IQCM: variants seen among roughly 807,000 people sequenced by gnomAD.
IQCM encodes the protein IQ motif containing M, also known as IQ domain-containing protein M.
In IQCM, 45 loss-of-function variants were observed where a neutral mutation model predicts 57.6. The observed-to-expected ratio is 0.78, with a 90% CI of 0.62 to 1.00. IQCM has a LOEUF of 1.00. Among genes scored for constraint, IQCM ranks in the 50% least tolerant of loss-of-function variants. IQCM has a pLI of 0.00. For missense variants in IQCM, 468 were observed against 511.6 expected, an observed-to-expected ratio of 0.91 and a Z score of 0.82; for synonymous variants, 148 against 158.9, an observed-to-expected ratio of 0.93 and a Z score of 0.51.
intron 7 of IQCM, among the ~76,000 whole-genome samples, chr4:149,660,425 G>A (rs928321107): frequency 2.7e-3 from 404 of 151,688 alleles, no homozygotes; most frequent in Non-Finnish European, 4.4e-3. Context: ...TCAGTGTGGC[G>A]ATTCCTCAGG....
rs541977001 is a variant in IQCM, at chr4:149,589,597, A to C, written c.682-1600T>G. On this transcript the variant is annotated intron_variant, in intron 8 of 13. Coordinates refer to ENST00000636793, the MANE Select transcript of IQCM (RefSeq NM_001363507.2). ...CCATCTCAGATGCAATCTTACTAGT[A>C]AGTGTTAATTTCATTTCATGGCATT... 5.9e-5 allele frequency among the ~76,000 whole-genome samples: 9 copies of C among 152,094 alleles called. No homozygotes were observed. The South Asian group carries it at 1.9e-3, about 32-fold the overall frequency.
chr4:149,493,249 C>T (rs1157060425), intron 12 of IQCM, among the ~76,000 whole-genome samples: 3 of 151,320 alleles, frequency 2.0e-5, no homozygotes, highest in Non-Finnish European at 4.4e-5. Context: ...TCTTTTTTTT[C>T]CCTCATTGAG....
At chr4:149,365,179 C>T (rs1729747917) in intron 13 of IQCM, among the ~76,000 whole-genome samples, 1 of 152,024 alleles carries the variant, frequency 6.6e-6, no homozygotes, top group South Asian at 2.1e-4. Flanking sequence ...AGCAGCAATA[C>T]AAGACGTGCC....
intron 13 of IQCM, among the ~76,000 whole-genome samples, chr4:149,391,181 T>C (rs1430822723): frequency 2.0e-5 from 3 of 151,948 alleles, no homozygotes; most frequent in African/African-American, 7.2e-5. Context: ...TCTACTTGTT[T>C]AGGGCTATTC....
intron 12 of IQCM, among the ~76,000 whole-genome samples, chr4:149,478,656 C>A (rs919124764): frequency 6.6e-6 from 1 of 152,012 alleles, no homozygotes; most frequent in African/African-American, 2.4e-5. Flanking sequence ...GAAGACAAGA[C>A]GCAGGAAATA....
At chr4:149,803,829 T>TTTGAG (rs2150053784) in intron 2 of IQCM, among the ~76,000 whole-genome samples, 1 of 152,072 alleles carries the variant, frequency 6.6e-6, no homozygotes, top group African/African-American at 2.4e-5. Flanking sequence ...AGATGTGCAG[T>TTTGAG]TCTTTGAGTT....
intron 13 of IQCM, among the ~76,000 whole-genome samples, chr4:149,397,779 A>G (rs530052360): frequency 6.6e-6 from 1 of 150,902 alleles, no homozygotes; most frequent in African/African-American, 2.4e-5. Context: ...TCTTTTTCTT[A>G]TTTTGCTATT....
chr4:149,489,820 T>A (rs1440933859), intron 12 of IQCM, among the ~76,000 whole-genome samples: 1 of 151,780 alleles, frequency 6.6e-6, no homozygotes, highest in Non-Finnish European at 1.5e-5. Context: ...TCTATAAACA[T>A]ATATTAGAAT....
At chr4:149,807,818 G>T (rs947710259) in intron 2 of IQCM, among the ~76,000 whole-genome samples, 1 of 151,888 alleles carries the variant, frequency 6.6e-6, no homozygotes, top group African/African-American at 2.4e-5. Context: ...TGGCCAACAG[G>T]TATATGAAAA....
chr4:149,352,682 C>T (rs532368834), intron 13 of IQCM, among the ~76,000 whole-genome samples: 32 of 152,274 alleles, frequency 2.1e-4, no homozygotes, highest in African/African-American at 6.7e-4. Flanking sequence ...AGATGCAACA[C>T]GTTTGCTTTT....
chr4:149,365,214 G>A (rs1729750081), intron 13 of IQCM, among the ~76,000 whole-genome samples: 1 of 152,022 alleles, frequency 6.6e-6, no homozygotes, highest in Non-Finnish European at 1.5e-5. Context: ...GTGACAGCAA[G>A]TAAGGAAATG....
chr4:149,484,894 C>A (rs1741304197), intron 12 of IQCM, among the ~76,000 whole-genome samples: 1 of 151,980 alleles, frequency 6.6e-6, no homozygotes, highest in African/African-American at 2.4e-5. Context: ...TGATGAAATC[C>A]CTCAGCTTTT....
At chr4:149,773,460 T>C (rs1049482298) in intron 2 of IQCM, among the ~76,000 whole-genome samples, 10 of 152,164 alleles carry the variant, frequency 6.6e-5, no homozygotes, top group Non-Finnish European at 1.0e-4. Context: ...TTAAATACAC[T>C]CTTCTTAATC....
chr4:149,421,638 C>A (rs904604552), intron 13 of IQCM, among the ~76,000 whole-genome samples: 2 of 151,454 alleles, frequency 1.3e-5, no homozygotes, highest in African/African-American at 4.8e-5. Context: ...TTTTTGTATT[C>A]ATCATTCACT....
intron 13 of IQCM, among the ~76,000 whole-genome samples, chr4:149,368,994 A>G (rs1233959541): frequency 8.3e-5 from 6 of 72,724 alleles, no homozygotes; most frequent in African/African-American, 2.2e-4. Flanking sequence ...ATACACGTGT[A>G]TATATATATA....
intron 5 of IQCM, among the ~76,000 whole-genome samples, chr4:149,687,150 C>T (rs1762602784): frequency 6.6e-6 from 1 of 151,496 alleles, no homozygotes; most frequent in South Asian, 2.1e-4. Context: ...ATAAAAGATA[C>T]AGAACACATG....
intron 2 of IQCM, among the ~76,000 whole-genome samples, chr4:149,760,304 T>C (rs1173640137): frequency 6.6e-6 from 1 of 152,104 alleles, no homozygotes; most frequent in Non-Finnish European, 1.5e-5. Context: ...AAGTTAACCA[T>C]AAGCTAGCTC....
At chr4:149,538,307 A>T (rs1431842905) in intron 12 of IQCM, among the ~76,000 whole-genome samples, 1 of 151,828 alleles carries the variant, frequency 6.6e-6, no homozygotes. Flanking sequence ...TTATTTTAGC[A>T]TTTATCTAAA....
intron 12 of IQCM, among the ~76,000 whole-genome samples, chr4:149,450,483 A>G (rs934623176): frequency 6.6e-6 from 1 of 151,858 alleles, no homozygotes; most frequent in Non-Finnish European, 1.5e-5. Context: ...ATTAATAACC[A>G]GAATACACAA....
Sources: gnomAD v4.1 joint callset for allele counts (sites outside exome capture counted in the v4.1 genomes callset) on GRCh38, gnomAD v4.1.1 for gene constraint, MANE v1.5 for transcripts, NCBI Gene and HGNC (gene_info 2026-07-23, HGNC 2026-07-21) for gene names.